Variants in COL10A1 observed in about 807,000 individuals in gnomAD.
COL10A1 encodes the protein collagen type X alpha 1 chain, also known as collagen alpha-1(X) chain.
Under a neutral mutation model 18.2 loss-of-function variants are expected in COL10A1, and 10 were observed. That is an observed-to-expected ratio of 0.55 (90% CI 0.34 to 0.93). The LOEUF (loss-of-function observed/expected upper bound fraction) is 0.93, where lower values mean the gene tolerates loss of function less well. Among genes scored for constraint, COL10A1 ranks in the 40% least tolerant of loss-of-function variants. The pLI is 0.02. For synonymous variants in COL10A1, 330 were observed against 316.6 expected, an observed-to-expected ratio of 1.04 and a Z score of -0.45; for missense variants, 897 against 853.5, an observed-to-expected ratio of 1.05 and a Z score of -0.64.
the COL10A1 span, among the ~76,000 whole-genome samples, chr6:116,201,003 C>T: frequency 2.0e-5 from 3 of 152,060 alleles, no homozygotes; most frequent in African/African-American, 4.8e-5. Context: ...TGGAAAAAAG[C>T]GGGAAGGTAC....
the COL10A1 span, among the ~76,000 whole-genome samples, chr6:116,167,045 C>G: frequency 6.6e-6 from 1 of 151,902 alleles, no homozygotes. Flanking sequence ...ATTTTTGCCC[C>G]CAAGAAAATT....
the COL10A1 span, among the ~76,000 whole-genome samples, chr6:116,197,116 C>T: frequency 6.6e-6 from 1 of 151,874 alleles, no homozygotes. Flanking sequence ...CACCTCCTTT[C>T]TCCATTTGTA....
rs112490337 is a variant in COL10A1, at chr6:116,119,952, C to G, written c.*121G>C. On this transcript the variant is annotated 3_prime_UTR_variant, in exon 3 of 3. Transcript: ENST00000651968. ...GGTTTGTTGGTCTGATAGCTCAAAT[C>G]TGTATTTCAGAAAATAAAAATTACA... 1.0e-6 allele frequency: 1 copy of G among 968,580 alleles called. No individual in the cohort carries two copies. Among genetic ancestry groups the G allele is most frequent in the African/African-American group, 1.6e-5 (1 of 62,170 alleles). 60.0% of individuals were successfully genotyped at this position (968,580 alleles called of 1,614,324 possible).
At chr6:116,134,434 G>A (rs1297427491) in intron 1 of COL10A1, among the ~76,000 whole-genome samples, 1 of 152,136 alleles carries the variant, frequency 6.6e-6, no homozygotes, top group East Asian at 1.9e-4. Context: ...CGTAATTCAA[G>A]GACTATGGGT....
the COL10A1 span, among the ~76,000 whole-genome samples, chr6:116,185,241 C>A: frequency 6.6e-6 from 1 of 152,044 alleles, no homozygotes. Flanking sequence ...GATATAATTT[C>A]AGTCTTCTTA....
At chr6:116,213,406 G>A in the COL10A1 span, among the ~76,000 whole-genome samples, 3 of 152,030 alleles carry the variant, frequency 2.0e-5, no homozygotes, top group African/African-American at 7.2e-5. Context: ...CATCTTACAT[G>A]GCACATGACT....
At chr6:116,157,310 G>A (rs140798300) in intron 1 of COL10A1, among the ~76,000 whole-genome samples, 3 of 152,242 alleles carry the variant, frequency 2.0e-5, no homozygotes, top group Non-Finnish European at 4.4e-5. Flanking sequence ...CCAGTCAGTT[G>A]TCAACGTAAC....
the COL10A1 span, among the ~76,000 whole-genome samples, chr6:116,197,762 A>G: frequency 2.6e-5 from 4 of 152,244 alleles, no homozygotes; most frequent in East Asian, 1.9e-4. Flanking sequence ...GAGATAATGT[A>G]TAAAGAACTT....
the COL10A1 span, among the ~76,000 whole-genome samples, chr6:116,195,800 C>G: frequency 6.6e-6 from 1 of 151,956 alleles, no homozygotes; most frequent in South Asian, 2.1e-4. Flanking sequence ...GTGCACAGAA[C>G]AGATGGTGGG....
chr6:116,155,181 A>G (rs1180392955), intron 1 of COL10A1, among the ~76,000 whole-genome samples: 1 of 152,220 alleles, frequency 6.6e-6, no homozygotes, highest in Non-Finnish European at 1.5e-5. Context: ...AGTTAAGGTT[A>G]CAAGTAGTTT....
intron 1 of COL10A1, among the ~76,000 whole-genome samples, chr6:116,147,298 T>C (rs528142008): frequency 9.0e-4 from 137 of 151,896 alleles, no homozygotes; most frequent in African/African-American, 3.3e-3. Flanking sequence ...AAAAAGTAGC[T>C]GGGCGTGGTG....
chr6:116,213,974 G>T, the COL10A1 span, among the ~76,000 whole-genome samples: 1 of 151,980 alleles, frequency 6.6e-6, no homozygotes, highest in African/African-American at 2.4e-5. Flanking sequence ...TGATCCTCCC[G>T]CCTCACCTTC....
chr6:116,205,621 A>G, the COL10A1 span, among the ~76,000 whole-genome samples: 71 of 152,052 alleles, frequency 4.7e-4, 1 homozygote, highest in East Asian at 0.014. Flanking sequence ...AAGGCTGTTC[A>G]GATATTTTAT....
intron 1 of COL10A1, among the ~76,000 whole-genome samples, chr6:116,152,852 A>G (rs552526911): frequency 2.0e-5 from 3 of 152,264 alleles, no homozygotes; most frequent in Non-Finnish European, 4.4e-5. Context: ...TATTTTCTAT[A>G]GTTATATTGC....
chr6:116,175,798 C>G, the COL10A1 span, among the ~76,000 whole-genome samples: 2 of 152,120 alleles, frequency 1.3e-5, no homozygotes, highest in African/African-American at 2.4e-5. Flanking sequence ...AATATCCTAT[C>G]TACCCATTAA....
the COL10A1 span, among the ~76,000 whole-genome samples, chr6:116,206,904 A>G: frequency 6.6e-6 from 1 of 151,896 alleles, no homozygotes; most frequent in Non-Finnish European, 1.5e-5. Context: ...TTGTGTGCAA[A>G]ATATTTGTCT....
intron 1 of COL10A1, among the ~76,000 whole-genome samples, chr6:116,142,284 C>CT (rs573786007): frequency 0.02 from 2,905 of 147,858 alleles, 105 homozygotes; most frequent in African/African-American, 0.066. Context: ...TCTATTTTTG[C>CT]TTTTTTTTTC....
chr6:116,157,034 A>G (rs1780212397), intron 1 of COL10A1, among the ~76,000 whole-genome samples: 3 of 152,144 alleles, frequency 2.0e-5, no homozygotes, highest in East Asian at 1.9e-4. Flanking sequence ...CGTTCACTTC[A>G]TAGCACTGCC....
rs561223750 is a variant in COL10A1, at chr6:116,158,248, G to A, written c.-16+366C>T. ...AGTGTAGATCTGGGAGTAGTTTAGTGTGCTACCTCGATGAAGATACATGGC... is the reference window on the plus strand; with the variant it reads ...AGTGTAGATCTGGGAGTAGTTTAGTATGCTACCTCGATGAAGATACATGGC... On this transcript the variant is annotated intron_variant, in intron 1 of 1. Coordinates refer to the COL10A1 transcript ENST00000418500. 2.6e-3 allele frequency among the ~76,000 whole-genome samples: 221 copies of A among 84,378 alleles called. 2 individuals carry two copies. The highest frequency in any genetic ancestry group is 8.5e-4 in the Non-Finnish European group (32 of 37,604). 55.4% of individuals were successfully genotyped at this position (84,378 alleles called of 152,430 possible). A position where few individuals can be genotyped will look rare whatever the true frequency, so the allele number is the denominator to read the frequency against.
Sources: allele counts gnomAD v4.1 joint callset (sites outside exome capture counted in the v4.1 genomes callset), GRCh38; gene constraint gnomAD v4.1.1; transcripts MANE v1.5; gene names NCBI Gene and HGNC (gene_info 2026-07-23, HGNC 2026-07-21).